The following KYNU variants were observed in gnomAD, a reference collection of about 807,000 sequenced individuals.
KYNU encodes the protein L-kynurenine hydrolase.
KYNU carries 54 observed loss-of-function variants against 59.2 expected under a neutral mutation model. The ratio of observed to expected loss-of-function variants is 0.91; its 90% CI spans 0.73 to 1.14. The LOEUF (loss-of-function observed/expected upper bound fraction) is 1.14. KYNU is among the 50% of genes most tolerant of loss of function. The pLI is 0.00. For synonymous variants in KYNU, 177 were observed against 192.0 expected (o/e 0.92, Z 0.65); for missense variants, 567 against 554.4 (o/e 1.02, Z -0.23).
chr2:142,969,402 C>T (rs1684647809), intron 8 of KYNU, among the ~76,000 whole-genome samples: 1 of 152,234 alleles, frequency 6.6e-6, no homozygotes, highest in African/African-American at 2.4e-5. Context: ...TTACTCTTCA[C>T]TTTGGAAATA....
chr2:142,934,691 T>C (rs1683328081), intron 4 of KYNU, among the ~76,000 whole-genome samples: 1 of 152,194 alleles, frequency 6.6e-6, no homozygotes, highest in Non-Finnish European at 1.5e-5. Flanking sequence ...AGGGTTACCC[T>C]TGGCTCGGAT....
At chr2:142,880,603 A>G (rs574087788) in intron 1 of KYNU, among the ~76,000 whole-genome samples, 2 of 152,214 alleles carry the variant, frequency 1.3e-5, no homozygotes, top group Non-Finnish European at 2.9e-5. Flanking sequence ...TAGCTCCTGT[A>G]TCTAACTGAA....
chr2:142,927,572 A>G (rs940062390), intron 3 of KYNU, 87 bp from the exon 4 acceptor site: 3 of 1,001,928 alleles, frequency 3.0e-6, no homozygotes, highest in Non-Finnish European at 4.8e-6. Flanking sequence ...CCACATAGAA[A>G]TGTTTATTTG....
chr2:143,035,877 A>T (rs1472494072), intron 12 of KYNU, among the ~76,000 whole-genome samples: 1 of 152,094 alleles, frequency 6.6e-6, no homozygotes, highest in African/African-American at 2.4e-5. Flanking sequence ...GACTCAGTTG[A>T]TCTTCCCACC....
chr2:142,946,191 C>T (rs949529374), intron 4 of KYNU, among the ~76,000 whole-genome samples: 1 of 152,030 alleles, frequency 6.6e-6, no homozygotes, highest in African/African-American at 2.4e-5. Flanking sequence ...TGGCAATTCT[C>T]TGGCCTCAGC....
intron 10 of KYNU, among the ~76,000 whole-genome samples, chr2:143,017,434 C>CTTTTTTTTTTTTTTTTT (rs1184177776): frequency 4.8e-4 from 33 of 68,446 alleles, no homozygotes; most frequent in Non-Finnish European, 7.0e-4. Flanking sequence ...TCTCTTTTTT[C>CTTTTTTTTTTTTTTTTT]TTTTTTTTTT....
intron 4 of KYNU, among the ~76,000 whole-genome samples, chr2:142,928,600 A>C (rs1683114066): frequency 6.6e-6 from 1 of 152,176 alleles, no homozygotes; most frequent in Non-Finnish European, 1.5e-5. Context: ...TTATGCATAG[A>C]AAAAACTATG....
intron 8 of KYNU, 119 bp downstream of exon 8, chr2:142,960,889 T>G: frequency 1.2e-6 from 1 of 811,556 alleles, no homozygotes; most frequent in Admixed American, 3.7e-5. Context: ...ATTTCAAAAG[T>G]TAAAAAAAAA....
intron 10 of KYNU, among the ~76,000 whole-genome samples, chr2:143,017,220 G>A (rs139572078): frequency 2.0e-5 from 3 of 152,186 alleles, no homozygotes; most frequent in East Asian, 3.9e-4. Context: ...ACAAGTGCGT[G>A]TGTCTTTTTG....
rs568153258 is a variant in KYNU, at chr2:143,026,642, T to C, written c.903-2985T>C. 2.4e-4 allele frequency among the ~76,000 whole-genome samples: 36 copies of C among 152,310 alleles called. 1 individual carries two copies. Among genetic ancestry groups the C allele is most frequent in the African/African-American group, 8.4e-4 (35 of 41,580 alleles). ...ACCCCACACTTTAGAACCGGCAGGATTGAACTCCATGCAGGCCCCACAGCA... is the reference window on the plus strand; with the variant it reads ...ACCCCACACTTTAGAACCGGCAGGACTGAACTCCATGCAGGCCCCACAGCA... On this transcript the variant is annotated intron_variant, in intron 10 of 13. Transcript: ENST00000264170.
intron 10 of KYNU, chr2:142,989,942 C>T (rs962263517): frequency 3.3e-5 from 5 of 151,864 alleles, no homozygotes; most frequent in African/African-American, 1.2e-4. Flanking sequence ...GATTTCACTT[C>T]CTTTTTTGTT....
At chr2:142,922,960 T>C (rs962274830) in intron 3 of KYNU, among the ~76,000 whole-genome samples, 1 of 152,230 alleles carries the variant, frequency 6.6e-6, no homozygotes, top group African/African-American at 2.4e-5. Context: ...TGGTAAGGTC[T>C]GCTCTCTGCT....
chr2:143,016,866 T>C (rs1028308883), intron 10 of KYNU, among the ~76,000 whole-genome samples: 2 of 152,176 alleles, frequency 1.3e-5, no homozygotes, highest in African/African-American at 2.4e-5. Context: ...ACAGTACCAG[T>C]AGTTTTTCAA....
intron 11 of KYNU, 71 bp from the exon 12 acceptor site, chr2:143,033,165 A>C (rs1686806208): frequency 9.8e-7 from 1 of 1,016,256 alleles, no homozygotes; most frequent in East Asian, 2.4e-5. Context: ...TTTACTCTCC[A>C]GTACTCTAGT....
Position 143,042,240 on chromosome 2 carries a change from A to G in KYNU, c.*68A>G. On this transcript the variant is annotated 3_prime_UTR_variant, in exon 14 of 14. Coordinates refer to ENST00000264170, the MANE Select transcript of KYNU (RefSeq NM_003937.3). ...GCTGTGGTTATTTCAGTATTATTCG[A>G]TTTTTAATTATTGAAAGTATGTCAC... 1 of 1,433,634 alleles carries G rather than the reference A, an allele frequency of 7.0e-7. No homozygotes were observed. Among genetic ancestry groups the G allele is most frequent in the East Asian group, 2.3e-5 (1 of 43,628 alleles). The allele number at this position is 1,433,634 out of a possible 1,614,324, so 88.8% of individuals were successfully genotyped here. A position where few individuals can be genotyped will look rare whatever the true frequency, so the allele number is the denominator to read the frequency against.
In KYNU at chr2:143,041,994, T is replaced by G; in HGVS notation, c.1273-53T>G. The G allele has an allele frequency of 2.5e-6, 4 of 1,592,572 alleles. No homozygotes were observed. In the South Asian group the frequency reaches 3.3e-5, roughly 13 times the overall value. On this transcript the variant is annotated intron_variant, in intron 13 of 13. Coordinates refer to ENST00000264170, the MANE Select transcript of KYNU (RefSeq NM_003937.3). ...ACATAAGTTTATCTGGAATGTAGATTTTCAACGTGTGAATAATGCTAACAT... is the reference window on the plus strand; with the variant it reads ...ACATAAGTTTATCTGGAATGTAGATGTTCAACGTGTGAATAATGCTAACAT...
At chr2:142,927,264 T>C (rs1319404529) in intron 3 of KYNU, among the ~76,000 whole-genome samples, 2 of 152,232 alleles carry the variant, frequency 1.3e-5, no homozygotes, top group East Asian at 3.8e-4. Flanking sequence ...CAATTTATAA[T>C]CATTTTAGTC....
intron 4 of KYNU, among the ~76,000 whole-genome samples, chr2:142,945,388 TCGTAAGA>T (rs1384418037): frequency 2.0e-5 from 3 of 152,250 alleles, no homozygotes; most frequent in Non-Finnish European, 4.4e-5. Flanking sequence ...CTTTGCACTT[TCGTAAGA>T]GGCAACCCCT....
At chr2:142,948,324 T>G (rs764608216) in intron 4 of KYNU, among the ~76,000 whole-genome samples, 7 of 152,220 alleles carry the variant, frequency 4.6e-5, no homozygotes, top group Non-Finnish European at 8.8e-5. Context: ...TGGTTTAGGC[T>G]TTGGCTTAAT....
Sources: allele counts gnomAD v4.1 joint callset (sites outside exome capture counted in the v4.1 genomes callset), GRCh38; gene constraint gnomAD v4.1.1; transcripts MANE v1.5; gene names NCBI Gene and HGNC (gene_info 2026-07-23, HGNC 2026-07-21).